Variants in AOPEP observed in about 807,000 individuals in gnomAD.
AOPEP encodes aminopeptidase O (putative), also known as aminopeptidase O.
Under a neutral mutation model 98.1 loss-of-function variants are expected in AOPEP, and 77 were observed. That is an observed-to-expected ratio of 0.78 (90% CI 0.65 to 0.95). The LOEUF is 0.95. Ranked by LOEUF, AOPEP falls within the 40% of genes least tolerant of loss-of-function variation. The pLI is 0.00. For missense variants in AOPEP, 1,024 were observed against 1,024.7 expected (o/e 1.00, Z 0.01); for synonymous variants, 346 against 365.3 (o/e 0.95, Z 0.60).
At chr9:94,805,849 G>A (rs929402161) in intron 5 of AOPEP, among the ~76,000 whole-genome samples, 1 of 152,198 alleles carries the variant, frequency 6.6e-6, no homozygotes, top group Non-Finnish European at 1.5e-5. Flanking sequence ...CCCAGCCAAT[G>A]TGTAATAGAA....
chr9:95,050,497 T>C (rs1377403769), intron 13 of AOPEP, among the ~76,000 whole-genome samples: 1 of 152,232 alleles, frequency 6.6e-6, no homozygotes, highest in East Asian at 1.9e-4. Flanking sequence ...AGACATTAAA[T>C]CATTCTGTGA....
At chr9:94,931,959 G>A (rs953628221) in intron 7 of AOPEP, 26 of 1,134,910 alleles carry the variant, frequency 2.3e-5, no homozygotes, top group East Asian at 1.7e-4. Flanking sequence ...TGAGTAATGC[G>A]TCTAACCTCC....
At chr9:94,949,307 G>A (rs963415784) in intron 7 of AOPEP, among the ~76,000 whole-genome samples, 1 of 152,156 alleles carries the variant, frequency 6.6e-6, no homozygotes, top group Non-Finnish European at 1.5e-5. Flanking sequence ...TTATTAAAAT[G>A]TGTGGAGTTT....
chr9:95,031,829 G>A (rs73657031), intron 13 of AOPEP, among the ~76,000 whole-genome samples: 1 of 152,290 alleles, frequency 6.6e-6, no homozygotes, highest in South Asian at 2.1e-4. Flanking sequence ...CTCTTGTCTT[G>A]TGACTTGTCC....
chr9:94,857,270 A>G (rs1237842624), intron 5 of AOPEP, among the ~76,000 whole-genome samples: 1 of 152,190 alleles, frequency 6.6e-6, no homozygotes. Flanking sequence ...GTTCTCTTAT[A>G]GCAGTTCTTA....
intron 13 of AOPEP, among the ~76,000 whole-genome samples, chr9:95,012,186 A>G (rs1349505976): frequency 6.6e-6 from 1 of 152,238 alleles, no homozygotes; most frequent in East Asian, 1.9e-4. Flanking sequence ...GCTTTGGGCA[A>G]TATTTGAAAA....
At chr9:94,738,776 G>T (rs532477385) in intron 1 of AOPEP, among the ~76,000 whole-genome samples, 6 of 151,802 alleles carry the variant, frequency 4.0e-5, no homozygotes, top group Non-Finnish European at 5.9e-5. Context: ...GGGTTTCACC[G>T]TGTTAGCCAG....
chr9:94,806,897 C>G (rs1849375621), intron 5 of AOPEP, among the ~76,000 whole-genome samples: 1 of 152,208 alleles, frequency 6.6e-6, no homozygotes. Context: ...CCCAAAGTCA[C>G]TTAGAAGCAG....
At chr9:94,875,116 T>G (rs892642656) in intron 5 of AOPEP, among the ~76,000 whole-genome samples, 1 of 152,080 alleles carries the variant, frequency 6.6e-6, no homozygotes, top group African/African-American at 2.4e-5. Flanking sequence ...TAGCCTTATC[T>G]TTCCAATTTT....
intron 14 of AOPEP, among the ~76,000 whole-genome samples, chr9:95,069,823 G>T (rs1302955577): frequency 2.0e-5 from 3 of 152,234 alleles, no homozygotes; most frequent in Admixed American, 2.0e-4. Flanking sequence ...GCTCTAACCA[G>T]TTAAGGTGTA....
chr9:94,900,709 C>G (rs1371366229), intron 5 of AOPEP: 1 of 152,200 alleles, frequency 6.6e-6, no homozygotes, highest in Non-Finnish European at 1.5e-5. Context: ...ATGTCTGTAT[C>G]TTAGTCAACT....
chr9:94,970,724 T>C (rs1404392455), intron 10 of AOPEP, among the ~76,000 whole-genome samples: 2 of 151,234 alleles, frequency 1.3e-5, no homozygotes, highest in Non-Finnish European at 2.9e-5. Context: ...AACAGACATA[T>C]GGGATTTCTT....
intron 13 of AOPEP, among the ~76,000 whole-genome samples, chr9:95,007,903 G>T (rs770835541): frequency 1.1e-4 from 16 of 152,174 alleles, no homozygotes; most frequent in Non-Finnish European, 1.5e-4. Context: ...ATTTGAACCT[G>T]TTATTAGTAG....
intron 13 of AOPEP, among the ~76,000 whole-genome samples, chr9:95,015,622 G>C (rs2133041922): frequency 6.6e-6 from 1 of 152,298 alleles, no homozygotes; most frequent in African/African-American, 2.4e-5. Flanking sequence ...GAAGACAATT[G>C]AATCACACCT....
chr9:95,104,093 G>C, the AOPEP span, among the ~76,000 whole-genome samples: 1 of 152,164 alleles, frequency 6.6e-6, no homozygotes, highest in Non-Finnish European at 1.5e-5. Context: ...CGTGGGCCAA[G>C]CAGACCCGGC....
At chr9:94,926,443 C>T (rs1020914260) in intron 6 of AOPEP, among the ~76,000 whole-genome samples, 4 of 152,308 alleles carry the variant, frequency 2.6e-5, no homozygotes, top group Non-Finnish European at 4.4e-5. Context: ...CTTGGAGGTA[C>T]ATGCAGTAAC....
chr9:94,897,522 A>G (rs868421664), intron 5 of AOPEP, among the ~76,000 whole-genome samples: 5 of 152,214 alleles, frequency 3.3e-5, no homozygotes, highest in Admixed American at 1.3e-4. Flanking sequence ...TTAGAGTCAG[A>G]AAGTAAAATT....
At chr9:94,951,946 C>CT (rs2058128283) in intron 7 of AOPEP, among the ~76,000 whole-genome samples, 1 of 152,168 alleles carries the variant, frequency 6.6e-6, no homozygotes, top group African/African-American at 2.4e-5. Context: ...CAGACATCTG[C>CT]TTTTTTCATT....
At chr9:95,089,351 A>G (rs947453980), downstream of AOPEP, among the ~76,000 whole-genome samples, 4 of 152,220 alleles carry the variant, frequency 2.6e-5, no homozygotes, top group Admixed American at 6.5e-5. Context: ...TAGCCCAGCC[A>G]TAGCACCTTC....
Sources: allele counts gnomAD v4.1 joint callset (sites outside exome capture counted in the v4.1 genomes callset), GRCh38; gene constraint gnomAD v4.1.1; transcripts MANE v1.5; gene names NCBI Gene and HGNC (gene_info 2026-07-23, HGNC 2026-07-21).